Variants in GPHN observed in about 807,000 individuals in gnomAD.
The protein encoded by GPHN is gephyrin.
Under a neutral mutation model 95.5 loss-of-function variants are expected in GPHN, and 17 were observed. The ratio of observed to expected loss-of-function variants is 0.18; its 90% CI spans 0.12 to 0.27. The LOEUF (loss-of-function observed/expected upper bound fraction) is 0.27, where lower values mean the gene tolerates loss of function less well. Ranked by LOEUF, GPHN falls within the 10% of genes least tolerant of loss-of-function variation. The pLI is 1.00. For synonymous variants in GPHN, 320 were observed against 322.5 expected, an observed-to-expected ratio of 0.99 and a Z score of 0.08; for missense variants, 660 against 978.1, an observed-to-expected ratio of 0.67 and a Z score of 4.34.
intron 6 of GPHN, among the ~76,000 whole-genome samples, chr14:66,922,361 G>T (rs371363575): frequency 1.3e-5 from 2 of 150,996 alleles, no homozygotes; most frequent in East Asian, 3.9e-4. Context: ...ACAAATTTTA[G>T]ATCATTTCAC....
At chr14:66,989,837 A>G (rs1003369819) in intron 9 of GPHN, among the ~76,000 whole-genome samples, 17 of 152,124 alleles carry the variant, frequency 1.1e-4, no homozygotes, top group Non-Finnish European at 2.1e-4. Context: ...TAAAAAGAAA[A>G]AGTTATTCTC....
At chr14:66,828,731 G>T (rs1462451334) in intron 4 of GPHN, among the ~76,000 whole-genome samples, 1 of 151,828 alleles carries the variant, frequency 6.6e-6, no homozygotes, top group Non-Finnish European at 1.5e-5. Flanking sequence ...TTTGTCAATG[G>T]GTATGAGCTC....
the GPHN span, among the ~76,000 whole-genome samples, chr14:67,658,120 T>C: frequency 6.6e-6 from 1 of 152,068 alleles, no homozygotes; most frequent in Non-Finnish European, 1.5e-5. Flanking sequence ...GAGGTTCAAA[T>C]AAAACCAGTT....
At chr14:66,927,698 T>G (rs1328972594) in intron 8 of GPHN, among the ~76,000 whole-genome samples, 2 of 152,204 alleles carry the variant, frequency 1.3e-5, no homozygotes, top group African/African-American at 2.4e-5. Context: ...GCTTTTATTA[T>G]GTTGAGGAAC....
chr14:66,821,630 G>A (rs1367410927), intron 3 of GPHN, among the ~76,000 whole-genome samples: 1 of 152,144 alleles, frequency 6.6e-6, no homozygotes, highest in Non-Finnish European at 1.5e-5. Context: ...ACAACTAGGG[G>A]CCTGGAGAAC....
At chr14:67,601,674 G>A in the GPHN span, among the ~76,000 whole-genome samples, 2 of 151,994 alleles carry the variant, frequency 1.3e-5, no homozygotes, top group Admixed American at 1.3e-4. Flanking sequence ...AGGCTGAGGA[G>A]GGCAGATCAC....
intron 20 of GPHN, 120 bp from the exon 21 acceptor site, chr14:67,168,813 G>A (rs1232685637): frequency 2.7e-6 from 2 of 740,996 alleles, no homozygotes; most frequent in Admixed American, 2.0e-5. Flanking sequence ...TGATTCAGAA[G>A]AGGAAAAATA....
chr14:66,933,781 A>G (rs1008745501), intron 8 of GPHN, among the ~76,000 whole-genome samples: 2 of 152,166 alleles, frequency 1.3e-5, no homozygotes, highest in African/African-American at 4.8e-5. Flanking sequence ...CTTTCAAGGT[A>G]CCAAACACTA....
At chr14:67,202,085 T>C in the GPHN span, among the ~76,000 whole-genome samples, 1 of 152,210 alleles carries the variant, frequency 6.6e-6, no homozygotes, top group South Asian at 2.1e-4. Flanking sequence ...GTGCCAGAAC[T>C]GGTCGATTGG....
At chr14:66,976,919 G>GA (rs924039836) in intron 9 of GPHN, among the ~76,000 whole-genome samples, 22 of 140,106 alleles carry the variant, frequency 1.6e-4, no homozygotes, top group Admixed American at 1.1e-3. Context: ...AATATGTGGG[G>GA]GGGGGGGGAG....
At chr14:67,383,183 C>T in the GPHN span, 2 of 1,004,010 alleles carry the variant, frequency 2.0e-6, no homozygotes, top group Non-Finnish European at 2.8e-6. Flanking sequence ...ATAAGTCACT[C>T]AAAAGTGAAC....
At chr14:67,653,440 C>G in the GPHN span, 2 of 1,613,800 alleles carry the variant, frequency 1.2e-6, no homozygotes, top group Non-Finnish European at 1.7e-6. Flanking sequence ...AACTTACTTT[C>G]TGGACATTGA....
intron 4 of GPHN, among the ~76,000 whole-genome samples, chr14:66,842,910 T>C (rs1031744650): frequency 2.6e-5 from 4 of 152,284 alleles, no homozygotes; most frequent in Non-Finnish European, 4.4e-5. Context: ...ATCTGCTATT[T>C]CCATTTGTGT....
chr14:67,076,353 C>T (rs2076492759), intron 11 of GPHN, among the ~76,000 whole-genome samples: 1 of 152,170 alleles, frequency 6.6e-6, no homozygotes, highest in African/African-American at 2.4e-5. Context: ...CATGCACTGG[C>T]TAACCAGAAA....
At chr14:67,471,920 G>A in the GPHN span, 1 of 152,380 alleles carries the variant, frequency 6.6e-6, no homozygotes, top group South Asian at 2.1e-4. Context: ...TGTACCATGG[G>A]GTGGGCCACT....
chr14:67,074,887 A>G (rs899131527), intron 11 of GPHN, among the ~76,000 whole-genome samples: 1 of 152,200 alleles, frequency 6.6e-6, no homozygotes, highest in African/African-American at 2.4e-5. Flanking sequence ...TAAGGACAGA[A>G]TACATCTCCA....
chr14:67,036,501 G>GCACGCACACACACACACA (rs1555469786), intron 10 of GPHN, among the ~76,000 whole-genome samples: 1 of 118,184 alleles, frequency 8.5e-6, no homozygotes, highest in Admixed American at 8.6e-5. Context: ...ATACATACAT[G>GCACGCACACACACACACA]CACACACACA....
chr14:67,600,836 C>G, the GPHN span, among the ~76,000 whole-genome samples: 1 of 152,204 alleles, frequency 6.6e-6, no homozygotes. Flanking sequence ...GCCTCGGCCT[C>G]CCGAAGTGCT....
chr14:66,931,157 A>G (rs2066769209), intron 8 of GPHN, among the ~76,000 whole-genome samples: 1 of 152,166 alleles, frequency 6.6e-6, no homozygotes, highest in Middle Eastern at 3.4e-3. Flanking sequence ...TTCCTTCAGC[A>G]GTTTAAAATT....
Sources: gnomAD v4.1 joint callset for allele counts (sites outside exome capture counted in the v4.1 genomes callset) on GRCh38, gnomAD v4.1.1 for gene constraint, MANE v1.5 for transcripts, NCBI Gene and HGNC (gene_info 2026-07-23, HGNC 2026-07-21) for gene names.